Variants in PRKAR1B observed in about 807,000 individuals in gnomAD.
PRKAR1B encodes cAMP-dependent protein kinase type I-beta regulatory subunit.
A neutral mutation model predicts 46.5 loss-of-function variants in PRKAR1B; 22 were observed. The observed-to-expected ratio is 0.47, with a 90% CI of 0.34 to 0.68. PRKAR1B has a LOEUF of 0.68. PRKAR1B is among the 30% of genes least tolerant of loss of function. The pLI, the probability that PRKAR1B is intolerant of heterozygous loss-of-function variation, is 0.01. For synonymous variants in PRKAR1B, 259 were observed against 217.7 expected, an observed-to-expected ratio of 1.19 and a Z score of -1.67; for missense variants, 445 against 535.6, an observed-to-expected ratio of 0.83 and a Z score of 1.67.
At chr7:719,426 G>T (rs1368480968) in intron 1 of PRKAR1B, among the ~76,000 whole-genome samples, 5 of 152,136 alleles carry the variant, frequency 3.3e-5, no homozygotes, top group Non-Finnish European at 7.3e-5. Flanking sequence ...CAATCCTCCT[G>T]CCTCAGCCTC....
intron 2 of PRKAR1B, among the ~76,000 whole-genome samples, chr7:684,468 G>A (rs959454439): frequency 3.3e-5 from 5 of 152,166 alleles, no homozygotes; most frequent in African/African-American, 4.8e-5. Flanking sequence ...TGGCAGGAAC[G>A]CTATCTGAGA....
chr7:720,050 C>CTT (rs34254216), intron 1 of PRKAR1B, among the ~76,000 whole-genome samples: 1,518 of 92,386 alleles, frequency 0.016, 4 homozygotes, highest in South Asian at 0.024. Context: ...CTGTGCAAGT[C>CTT]TTTTTTTTTT....
chr7:592,271 T>C (rs1006785983), intron 7 of PRKAR1B, among the ~76,000 whole-genome samples: 6 of 152,210 alleles, frequency 3.9e-5, no homozygotes, highest in Admixed American at 2.6e-4. Context: ...TGCAGGGCAC[T>C]AAGCCCCGGT....
chr7:635,218 C>T (rs1198435163), intron 4 of PRKAR1B, among the ~76,000 whole-genome samples: 2 of 152,258 alleles, frequency 1.3e-5, no homozygotes, highest in African/African-American at 2.4e-5. Flanking sequence ...CTGGGACCCA[C>T]ATTCCACAGG....
chr7:675,164 T>C (rs1420776102), intron 4 of PRKAR1B, among the ~76,000 whole-genome samples: 1 of 152,172 alleles, frequency 6.6e-6, no homozygotes, highest in Non-Finnish European at 1.5e-5. Context: ...AAGGCAGCAG[T>C]TCATAAACTC....
intron 9 of PRKAR1B, among the ~76,000 whole-genome samples, chr7:576,185 TCTC>T (rs1779817412): frequency 1.4e-5 from 2 of 148,074 alleles, no homozygotes; most frequent in African/African-American, 2.5e-5. Flanking sequence ...GCTGGCATCC[TCTC>T]CTCTGCACAT....
chr7:712,802 C>CA (rs1780731194), intron 1 of PRKAR1B: 1 of 151,330 alleles, frequency 6.6e-6, no homozygotes, highest in South Asian at 2.1e-4. Context: ...GGGCACCCCC[C>CA]ACTCCCGCCC....
At chr7:603,099 G>A (rs561702084) in intron 6 of PRKAR1B, 13 of 152,394 alleles carry the variant, frequency 8.5e-5, no homozygotes, top group Admixed American at 4.6e-4. Flanking sequence ...CAGAATTCCT[G>A]GGGGTGGCCT....
intron 4 of PRKAR1B, among the ~76,000 whole-genome samples, chr7:659,478 G>A (rs1032999871): frequency 2.2e-4 from 33 of 152,302 alleles, no homozygotes; most frequent in Middle Eastern, 3.4e-3. Flanking sequence ...CATGGTGGCC[G>A]CACACGCCGT....
intron 4 of PRKAR1B, among the ~76,000 whole-genome samples, chr7:623,123 T>C (rs1783199363): frequency 6.6e-6 from 1 of 152,230 alleles, no homozygotes; most frequent in African/African-American, 2.4e-5. Flanking sequence ...GGCTTGTGTT[T>C]AGCCTCTTCC....
chr7:677,352 C>T, intron 3 of PRKAR1B, 32 bp from the exon 4 acceptor site: 3 of 1,595,882 alleles, frequency 1.9e-6, no homozygotes, highest in Non-Finnish European at 1.7e-6. Flanking sequence ...ACCGTGTGAG[C>T]CACCCTGGCC....
intron 7 of PRKAR1B, among the ~76,000 whole-genome samples, chr7:595,597 G>A (rs914420886): frequency 2.0e-5 from 3 of 152,168 alleles, no homozygotes; most frequent in Admixed American, 6.5e-5. Context: ...AACACCAGCC[G>A]TGGCAGCTGA....
intron 6 of PRKAR1B, among the ~76,000 whole-genome samples, chr7:599,961 C>G (rs1014002295): frequency 7.5e-6 from 1 of 133,542 alleles, no homozygotes; most frequent in Admixed American, 7.5e-5. Context: ...GGGAGGCGCA[C>G]GGGCAGGCCC....
chr7:639,017 G>A (rs1161245037), intron 4 of PRKAR1B, among the ~76,000 whole-genome samples: 1 of 152,194 alleles, frequency 6.6e-6, no homozygotes, highest in Admixed American at 6.5e-5. Context: ...GGTGAAGGTT[G>A]TGTTGAGCCA....
In PRKAR1B at chr7:667,912, C is replaced by A. The variant is rs1393366059; in HGVS notation, c.440+9317G>T. Reference sequence around the variant, plus strand: ...GGTCTGGGGGAGTTGCAGCCTCCCTCACAACCACGTTGCACTATCTTCCTT... The same window carrying A: ...GGTCTGGGGGAGTTGCAGCCTCCCTAACAACCACGTTGCACTATCTTCCTT... On this transcript the variant is annotated intron_variant, in intron 4 of 10. Transcript: ENST00000537384. This position sits in a 1 kb window ranked among gnomAD's most constrained non-coding sequence, Gnocchi z 4.3. 6.6e-6 allele frequency among the ~76,000 whole-genome samples: 1 copy of A among 152,244 alleles called. No individual in the cohort carries two copies. Among genetic ancestry groups the A allele is most frequent in the Non-Finnish European group, 1.5e-5 (1 of 68,042 alleles).
rs1210502063 is a variant in PRKAR1B at position 714,634 on chromosome 7, G to A, written c.-22-3107C>T. ...CCTCTCCAGACTGGCTCTGGTAGGAGTGCGAGGCGTGGCCCCCACCGCCCC... is the reference window on the plus strand; with the variant it reads ...CCTCTCCAGACTGGCTCTGGTAGGAATGCGAGGCGTGGCCCCCACCGCCCC... On this transcript the variant is annotated intron_variant, in intron 1 of 10. Coordinates refer to ENST00000537384, the MANE Select transcript of PRKAR1B (RefSeq NM_001164760.2). The surrounding 1 kb of genome is among the most constrained non-coding windows in gnomAD (Gnocchi z 4.3). Among the ~76,000 whole-genome samples, 1 of 152,144 alleles carries A rather than the reference G, an allele frequency of 6.6e-6. No individual in the cohort carries two copies. The highest frequency in any genetic ancestry group is 1.5e-5 in the Non-Finnish European group (1 of 68,034).
intron 4 of PRKAR1B, among the ~76,000 whole-genome samples, chr7:635,682 G>A (rs932351010): frequency 2.6e-5 from 4 of 152,172 alleles, no homozygotes; most frequent in Non-Finnish European, 5.9e-5. Flanking sequence ...CATGATGGCT[G>A]CAGGACGGTC....
At chr7:715,474 T>C (rs1780839414) in intron 1 of PRKAR1B, among the ~76,000 whole-genome samples, 1 of 152,118 alleles carries the variant, frequency 6.6e-6, no homozygotes, top group Non-Finnish European at 1.5e-5. Flanking sequence ...CAAGCAGCTA[T>C]GCCCTCAACT....
rs977301479 is a variant in PRKAR1B at position 666,290 on chromosome 7, T to A, written c.440+10939A>T. On this transcript the variant is annotated intron_variant, in intron 4 of 10. Transcript: ENST00000537384. The surrounding 1 kb of genome is among the most constrained non-coding windows in gnomAD (Gnocchi z 4.9). ...AGAGCTCCGGAACATGCGGGGCTGC[T>A]TCCCTGGGACACACGCTCCAGGGAC... Among the ~76,000 whole-genome samples the A allele has an allele frequency of 2.4e-5, 3 of 126,698 alleles. No individual in the cohort carries two copies. The allele number at this position is 126,698 out of a possible 152,430, so 83.1% of individuals were successfully genotyped here. A position where few individuals can be genotyped will look rare whatever the true frequency, so the allele number is the denominator to read the frequency against.
Sources: allele counts gnomAD v4.1 joint callset (sites outside exome capture counted in the v4.1 genomes callset), GRCh38; gene constraint gnomAD v4.1.1; non-coding constraint Gnocchi (gnomAD v3.1); transcripts MANE v1.5; gene names NCBI Gene and HGNC (gene_info 2026-07-23, HGNC 2026-07-21).